The following PLCD4 variants were observed in gnomAD, a reference collection of about 807,000 sequenced individuals.
The protein encoded by PLCD4 is phospholipase C delta 4.
PLCD4 carries 63 observed loss-of-function variants against 90.2 expected under a neutral mutation model. That is an observed-to-expected ratio of 0.70 (90% confidence interval 0.57 to 0.86). PLCD4 has a LOEUF of 0.86. Ranked by LOEUF, PLCD4 falls within the 40% of genes least tolerant of loss-of-function variation. PLCD4 has a pLI of 0.00. For synonymous variants in PLCD4, 294 were observed against 356.5 expected (o/e 0.82, Z 1.97); for missense variants, 830 against 956.3 (o/e 0.87, Z 1.74).
At chr2:218,631,250 T>C (rs1049318971) in intron 9 of PLCD4, among the ~76,000 whole-genome samples, 21 of 152,034 alleles carry the variant, frequency 1.4e-4, no homozygotes, top group Non-Finnish European at 1.5e-5. Context: ...CTACAACCTC[T>C]GCCTCCCGGG....
rs1696614040 is a variant in PLCD4 at position 218,634,754 on chromosome 2, T to C, written c.1896+124T>C. 2 of 1,194,728 alleles carry C rather than the reference T, an allele frequency of 1.7e-6. No individual in the cohort carries two copies. Among genetic ancestry groups the C allele is most frequent in the African/African-American group, 1.5e-5 (1 of 65,320 alleles). The allele number at this position is 1,194,728 out of a possible 1,614,324, so 74.0% of individuals were successfully genotyped here. A position where few individuals can be genotyped will look rare whatever the true frequency, so the allele number is the denominator to read the frequency against. On this transcript the variant is annotated intron_variant, in intron 13 of 15. Transcript: ENST00000450993. The surrounding 1 kb of genome is among the most constrained non-coding windows in gnomAD (Gnocchi z 4.0). ...CCTATTAACAGTGTCTAGTTTTAGC[T>C]TTTGGAGCCAGCTGCCTAGCTTCAA...
At chr2:218,629,396 C>A in intron 7 of PLCD4, 123 bp from the exon 8 acceptor site, 1 of 1,139,624 alleles carries the variant, frequency 8.8e-7, no homozygotes, top group Non-Finnish European at 1.2e-6. Context: ...GCAGATGTAG[C>A]TTGAAGGGGT....
At chr2:218,621,222 G>A (rs1034141408) in intron 4 of PLCD4, among the ~76,000 whole-genome samples, 7 of 152,208 alleles carry the variant, frequency 4.6e-5, no homozygotes, top group East Asian at 1.9e-4. Flanking sequence ...ACGAGCCATC[G>A]CGTCTGGCCA....
At position 218,634,599 on chromosome 2, in the gene PLCD4, G is replaced by C. The variant is rs774136192; in HGVS notation, c.1865G>C (p.Ser622Thr). The stretch of plus-strand genomic sequence containing the variant: ...TCTTTCCACCCTGAGAAGCCCATCA[G>C]CCCTTTCAAAGCCCAGACTCTCTTA... ...QSSFHPEKPISPFKAQTLLIQ... is the reference protein window; with the variant it reads ...QSSFHPEKPITPFKAQTLLIQ... Residue 622 changes from serine to threonine, a missense_variant, in exon 13 of 16, where the codon AGC (serine) becomes ACC (threonine). By Grantham distance (58) the Ser-to-Thr change is moderately conservative (BLOSUM62 1). Coordinates refer to ENST00000450993, the MANE Select transcript of PLCD4 (RefSeq NM_032726.4). This position sits in a 1 kb window ranked among gnomAD's most constrained non-coding sequence, Gnocchi z 4.0. The C allele has an allele frequency of 4.3e-6, 7 of 1,613,902 alleles. No individual in the cohort carries two copies. The African/African-American group carries it at 9.3e-5, about 22-fold the overall frequency.
At chr2:218,619,004 A>G in intron 4 of PLCD4, 197 bp downstream of exon 4, 1 of 593,974 alleles carries the variant, frequency 1.7e-6, no homozygotes, top group Non-Finnish European at 3.0e-6. Flanking sequence ...AGGATCACAT[A>G]GCCAGGCAGG....
At position 218,636,826 on chromosome 2, in the gene PLCD4, C is replaced by A; in HGVS notation, c.*249C>A. The A allele has an allele frequency of 1.7e-6, 1 of 575,902 alleles. No individual in the cohort carries two copies. 35.7% of individuals were successfully genotyped at this position (575,902 alleles called of 1,614,324 possible). The stretch of plus-strand genomic sequence containing the variant: ...TTCCTGCCCTTTTCCTTTGTGTACT[C>A]TATACTGGAGTTCCCTTCTTCCTCT... On this transcript the variant is annotated 3_prime_UTR_variant, in exon 16 of 16. Coordinates refer to ENST00000450993, the MANE Select transcript of PLCD4 (RefSeq NM_032726.4).
chr2:218,630,642 A>G lies in PLCD4; in HGVS notation c.1120-8A>G. On this transcript the variant is annotated splice_polypyrimidine_tract_variant and splice_region_variant and intron_variant, in intron 8 of 15. Transcript: ENST00000450993. ...TCTGAATCCATTGTTCCCTCCCCTC[A>G]CCACCAGACATCAGACTACCCAGTC... is the stretch of plus-strand genomic sequence containing the variant. 1 of 1,613,936 alleles carries G rather than the reference A, an allele frequency of 6.2e-7. No individual in the cohort carries two copies. The highest frequency in any genetic ancestry group is 1.1e-5 in the South Asian group (1 of 91,080).
intron 6 of PLCD4, among the ~76,000 whole-genome samples, chr2:218,623,210 G>C (rs148059840): frequency 6.6e-6 from 1 of 152,284 alleles, no homozygotes; most frequent in East Asian, 1.9e-4. Context: ...GAAAACCCTT[G>C]ATCCTCTTTC....
intron 11 of PLCD4, 83 bp downstream of exon 11, chr2:218,633,844 A>G: frequency 6.6e-7 from 1 of 1,507,548 alleles, no homozygotes; most frequent in Non-Finnish European, 9.1e-7. Flanking sequence ...GTCCCAAGAA[A>G]AAAGACAAGG....
intron 14 of PLCD4, 102 bp from the exon 15 acceptor site, chr2:218,636,141 A>G: frequency 7.0e-7 from 1 of 1,423,508 alleles, no homozygotes; most frequent in Non-Finnish European, 9.8e-7. Flanking sequence ...CTTACCTGTA[A>G]AATGCTGATT....
Position 218,636,686 on chromosome 2 carries a change from G to A in PLCD4, c.*109G>A, listed in dbSNP as rs1015317574. On this transcript the variant is annotated 3_prime_UTR_variant, in exon 16 of 16. Transcript: ENST00000450993. ...GGTGGTGAAAATCAAGCTTTGGATTGTGCATTCCTAGGCACAAAATTACCT... is the reference window on the plus strand; with the variant it reads ...GGTGGTGAAAATCAAGCTTTGGATTATGCATTCCTAGGCACAAAATTACCT... The A allele has an allele frequency of 3.3e-6, 4 of 1,218,100 alleles. No individual in the cohort carries two copies. Among genetic ancestry groups the A allele is most frequent in the Middle Eastern group, 2.0e-4 (1 of 4,902 alleles). The allele number at this position is 1,218,100 out of a possible 1,614,324, so 75.5% of individuals were successfully genotyped here. A position where few individuals can be genotyped will look rare whatever the true frequency, so the allele number is the denominator to read the frequency against.
chr2:218,613,479 A>C (rs969952657), intron 1 of PLCD4, among the ~76,000 whole-genome samples: 1 of 151,960 alleles, frequency 6.6e-6, no homozygotes, highest in African/African-American at 2.4e-5. Context: ...ACTTCTATTC[A>C]AATGTAGGTT....
intron 3 of PLCD4, among the ~76,000 whole-genome samples, chr2:218,617,180 G>A (rs1012235140): frequency 7.6e-5 from 11 of 145,008 alleles, no homozygotes; most frequent in Admixed American, 2.0e-4. Flanking sequence ...TGGCCAGGAT[G>A]GTCTCCATCT....
rs1695563342 is a variant in PLCD4 at position 218,616,023 on chromosome 2, T to G, written c.142T>G (p.Trp48Gly). 6.2e-7 allele frequency: 1 copy of G among 1,613,974 alleles called. No homozygotes were observed. Among genetic ancestry groups the G allele is most frequent in the Non-Finnish European group, 8.5e-7 (1 of 1,179,892 alleles). ...FRLQNDGMTVWHARQARGSAK... is the reference protein window; with the variant it reads ...FRLQNDGMTVGHARQARGSAK... ...ACTTCAGAATGACGGCATGACAGTC[T>G]GGCATGCACGGCAGGCCAGGGGCAG... The change falls in exon 3 of 16, where the codon TGG becomes GGG. Residue 48 changes from tryptophan (W) to glycine (G), a missense_variant. Transcript: ENST00000450993.
At chr2:218,633,328 G>A in intron 10 of PLCD4, 1 of 702,410 alleles carries the variant, frequency 1.4e-6, no homozygotes, top group Non-Finnish European at 2.6e-6. Context: ...AAGCCCAGAG[G>A]TTGACACTGA....
At chr2:218,632,061 CAAT>C in intron 9 of PLCD4, 72 bp from the exon 10 acceptor site, 3 of 1,451,908 alleles carry the variant, frequency 2.1e-6, no homozygotes, top group South Asian at 1.5e-5. Flanking sequence ...CCTTTGAGAA[CAAT>C]GAGACTGGCA....
intron 3 of PLCD4, among the ~76,000 whole-genome samples, chr2:218,617,433 C>T (rs185653101): frequency 7.9e-5 from 12 of 150,952 alleles, no homozygotes; most frequent in Admixed American, 7.3e-4. Flanking sequence ...AAAAATTAGC[C>T]GGGCTTGGTG....
chr2:218,629,477 A>G, intron 7 of PLCD4, 42 bp from the exon 8 acceptor site: 1 of 1,605,984 alleles, frequency 6.2e-7, no homozygotes, highest in Non-Finnish European at 8.5e-7. Context: ...AAGATCAGAT[A>G]TTGACCTCTC....
chr2:218,625,109 T>G (rs1696050414), intron 6 of PLCD4, among the ~76,000 whole-genome samples: 1 of 102,750 alleles, frequency 9.7e-6, no homozygotes, highest in Non-Finnish European at 1.9e-5. Flanking sequence ...ACCAAGACTC[T>G]GTTTCAAAAA....
Sources: allele counts gnomAD v4.1 joint callset (sites outside exome capture counted in the v4.1 genomes callset), GRCh38; gene constraint gnomAD v4.1.1; non-coding constraint Gnocchi (gnomAD v3.1); transcripts MANE v1.5; gene names NCBI Gene and HGNC (gene_info 2026-07-23, HGNC 2026-07-21).